The following TIPIN variants were observed in gnomAD, a reference collection of about 807,000 sequenced individuals.
TIPIN encodes TIMELESS interacting protein, also known as TIMELESS-interacting protein.
In TIPIN, 29 loss-of-function variants were observed where a neutral mutation model predicts 35.6. The ratio of observed to expected loss-of-function variants is 0.82; its 90% CI spans 0.61 to 1.11. The LOEUF (loss-of-function observed/expected upper bound fraction) is 1.11. Among genes scored for constraint, TIPIN ranks in the 50% most tolerant of loss-of-function variants. The pLI, the probability that TIPIN is intolerant of heterozygous loss-of-function variation, is 0.00. For missense variants in TIPIN, 296 were observed against 345.4 expected, an observed-to-expected ratio of 0.86 and a Z score of 1.13; for synonymous variants, 102 against 121.5, an observed-to-expected ratio of 0.84 and a Z score of 1.06.
rs757209318 is a variant in TIPIN at position 66,349,310 on chromosome 15, C to A, written c.411+5G>T. 4 of 1,612,850 alleles carry A rather than the reference C, an allele frequency of 2.5e-6. No individual in the cohort carries two copies. In the Admixed American group the frequency reaches 5.0e-5, roughly 20 times the overall value. ...AATGATATTTATAATCATCTCAACA[C>A]TTACCTGAACTTCCTTTTTACTTCC... On this transcript the variant is annotated splice_donor_5th_base_variant and intron_variant, in intron 5 of 7. Transcript: ENST00000261881.
intron 6 of TIPIN, among the ~76,000 whole-genome samples, chr15:66,342,186 CAAAAAAAAAA>C (rs55711983): frequency 1.2e-4 from 13 of 108,516 alleles, no homozygotes; most frequent in Admixed American, 8.3e-4. Context: ...AAGACTGTCT[CAAAAAAAAAA>C]AAAAAAAAAA....
chr15:66,378,055 G>T (rs2093304098), intron 1 of TIPIN, among the ~76,000 whole-genome samples: 1 of 151,878 alleles, frequency 6.6e-6, no homozygotes, highest in South Asian at 2.1e-4. Context: ...ACCCAGGCTG[G>T]AGTGCAGTGG....
chr15:66,351,500 G>A (rs767982149), intron 4 of TIPIN, 25 bp downstream of exon 4: 17 of 1,564,200 alleles, frequency 1.1e-5, no homozygotes, highest in Non-Finnish European at 2.6e-6. Flanking sequence ...AAAAACAAAG[G>A]TCTAACATAA....
At chr15:66,352,338 G>T in intron 2 of TIPIN, 131 bp from the exon 3 acceptor site, 2 of 680,682 alleles carry the variant, frequency 2.9e-6, no homozygotes, top group Non-Finnish European at 4.9e-6. Flanking sequence ...TCACTCTGTT[G>T]CCCATGCTGG....
intron 1 of TIPIN, among the ~76,000 whole-genome samples, chr15:66,362,555 G>A (rs552875422): frequency 2.0e-5 from 3 of 151,068 alleles, no homozygotes; most frequent in South Asian, 2.1e-4. Flanking sequence ...ACCCCATCTC[G>A]ACTAAAAATA....
At chr15:66,359,494 A>G (rs1198363318), upstream of TIPIN, among the ~76,000 whole-genome samples, 1 of 151,932 alleles carries the variant, frequency 6.6e-6, no homozygotes, top group Non-Finnish European at 1.5e-5. Context: ...ACAGGCAGGC[A>G]CCACCATTCC....
intron 1 of TIPIN, among the ~76,000 whole-genome samples, chr15:66,376,987 A>C (rs2093299107): frequency 6.6e-6 from 1 of 151,360 alleles, no homozygotes; most frequent in Admixed American, 6.6e-5. Context: ...GGGCACCTGT[A>C]ATACCAGTTA....
At chr15:66,353,320 A>T (rs1356866148) in intron 1 of TIPIN, among the ~76,000 whole-genome samples, 2 of 143,938 alleles carry the variant, frequency 1.4e-5, no homozygotes, top group African/African-American at 5.0e-5. Context: ...AGAGCTGCTT[A>T]AAAAAAAAAA....
chr15:66,351,925 T>C (rs2093170924), intron 3 of TIPIN, among the ~76,000 whole-genome samples: 1 of 151,870 alleles, frequency 6.6e-6, no homozygotes, highest in South Asian at 2.1e-4. Flanking sequence ...AGGCGTGAGC[T>C]ACCACGCCCA....
At chr15:66,341,069 G>A in intron 7 of TIPIN, 81 bp downstream of exon 7, 1 of 1,222,804 alleles carries the variant, frequency 8.2e-7, no homozygotes. Context: ...ATTTTATTTT[G>A]GGGGCTAGCA....
intron 1 of TIPIN, among the ~76,000 whole-genome samples, chr15:66,368,124 G>A (rs950667491): frequency 7.2e-5 from 11 of 151,928 alleles, no homozygotes; most frequent in Non-Finnish European, 1.5e-4. Context: ...GAGACCCTAC[G>A]CCCAGCCTAA....
At chr15:66,367,202 C>CTATATCTATATCTATATCTA (rs2093258665) in intron 1 of TIPIN, among the ~76,000 whole-genome samples, 1 of 132,482 alleles carries the variant, frequency 7.5e-6, no homozygotes, top group South Asian at 2.7e-4. Flanking sequence ...ATATCTATAT[C>CTATATCTATATCTATATCTA]TATATCTATA....
intron 6 of TIPIN, among the ~76,000 whole-genome samples, chr15:66,344,710 A>G (rs913386912): frequency 5.9e-5 from 9 of 151,590 alleles, no homozygotes; most frequent in South Asian, 2.1e-4. Flanking sequence ...AAAAAAAAAA[A>G]AAAGAAAAAC....
chr15:66,384,483 G>C (rs561629945), intron 1 of TIPIN, among the ~76,000 whole-genome samples: 1 of 151,838 alleles, frequency 6.6e-6, no homozygotes, highest in Admixed American at 6.6e-5. Flanking sequence ...TAGTAGAGAC[G>C]GGGTTTCACC....
chr15:66,345,620 A>G (rs2093119515), intron 6 of TIPIN, among the ~76,000 whole-genome samples: 1 of 152,148 alleles, frequency 6.6e-6, no homozygotes. Context: ...AGGCTGAGGC[A>G]GGAGAATCAC....
At chr15:66,377,065 G>T (rs1339568920) in intron 1 of TIPIN, among the ~76,000 whole-genome samples, 1 of 136,512 alleles carries the variant, frequency 7.3e-6, no homozygotes, top group Admixed American at 8.4e-5. Context: ...CCGAGACCAG[G>T]CTACTGCACT....
chr15:66,345,660 G>A lies in TIPIN; in HGVS notation c.475+3400C>T, dbSNP rs571204400. ...ACTGAGGTGGAGGTTGCAGTGAGCC[G>A]AGATCGCACCACTGCACTCCAGCCT... On this transcript the variant is annotated intron_variant, in intron 6 of 7. Coordinates refer to ENST00000261881, the MANE Select transcript of TIPIN (RefSeq NM_017858.3). Among the ~76,000 whole-genome samples the A allele has an allele frequency of 8.6e-5, 13 of 151,900 alleles. No individual in the cohort carries two copies. The South Asian group carries it at 1.7e-3, about 19-fold the overall frequency.
intron 1 of TIPIN, among the ~76,000 whole-genome samples, chr15:66,367,397 C>CT (rs562116346): frequency 6.7e-6 from 1 of 148,980 alleles, no homozygotes; most frequent in African/African-American, 2.4e-5. Context: ...TTGAGCAAGT[C>CT]TGTCTTTTTT....
At position 66,383,718 on chromosome 15, in the gene TIPIN, T is replaced by A. The variant is rs137919253; in HGVS notation, c.-9+2889A>T. On this transcript the variant is annotated intron_variant, in intron 1 of 7. Coordinates refer to the TIPIN transcript ENST00000562124. ...TATGGGGGAAAGAAATGGGGAGATGTAGGTCAAAGAATATAAAGCAGCAGA... is the reference window on the plus strand; with the variant it reads ...TATGGGGGAAAGAAATGGGGAGATGAAGGTCAAAGAATATAAAGCAGCAGA... 1.9e-3 allele frequency: 692 copies of A among 355,518 alleles called. 7 individuals carry two copies. Among genetic ancestry groups the A allele is most frequent in the African/African-American group, 0.014 (654 of 45,168 alleles). The allele number at this position is 355,518 out of a possible 1,614,324, so 22.0% of individuals were successfully genotyped here.
Sources: allele counts gnomAD v4.1 joint callset (sites outside exome capture counted in the v4.1 genomes callset), GRCh38; gene constraint gnomAD v4.1.1; transcripts MANE v1.5; gene names NCBI Gene and HGNC (gene_info 2026-07-23, HGNC 2026-07-21).